GBE1: variants seen among roughly 807,000 people sequenced by gnomAD.
The protein encoded by GBE1 is 1,4-alpha-glucan-branching enzyme.
GBE1 carries 70 observed loss-of-function variants against 88.8 expected under a neutral mutation model. The ratio of observed to expected loss-of-function variants is 0.79; its 90% CI spans 0.65 to 0.96. The LOEUF is 0.96. Ranked by LOEUF, GBE1 falls within the 40% of genes least tolerant of loss-of-function variation. The pLI is 0.00. For missense variants in GBE1, 872 were observed against 871.0 expected, an observed-to-expected ratio of 1.00 and a Z score of -0.01; for synonymous variants, 284 against 300.1, an observed-to-expected ratio of 0.95 and a Z score of 0.56.
At chr3:81,697,861 C>G (rs950513567) in intron 2 of GBE1, among the ~76,000 whole-genome samples, 1 of 151,714 alleles carries the variant, frequency 6.6e-6, no homozygotes, top group African/African-American at 2.4e-5. Flanking sequence ...GTCTAACACA[C>G]GCAGCATTTT....
intron 3 of GBE1, among the ~76,000 whole-genome samples, chr3:81,667,490 G>C (rs1347960841): frequency 6.6e-6 from 1 of 152,142 alleles, no homozygotes; most frequent in African/African-American, 2.4e-5. Context: ...ATGTTGAATA[G>C]GAGTGGTAAG....
At chr3:81,621,787 A>G (rs983916302) in intron 7 of GBE1, among the ~76,000 whole-genome samples, 1 of 152,174 alleles carries the variant, frequency 6.6e-6, no homozygotes, top group African/African-American at 2.4e-5. Flanking sequence ...CTTGCAGTGG[A>G]CAATACCATA....
chr3:81,560,667 G>A (rs1269590693), intron 12 of GBE1, among the ~76,000 whole-genome samples: 1 of 151,922 alleles, frequency 6.6e-6, no homozygotes, highest in Non-Finnish European at 1.5e-5. Context: ...GGTTTTGTGT[G>A]TGTTGGTGAA....
chr3:81,561,242 T>G (rs373502388), intron 12 of GBE1, among the ~76,000 whole-genome samples: 70 of 152,162 alleles, frequency 4.6e-4, no homozygotes, highest in African/African-American at 1.5e-3. Context: ...TTGTGAAATA[T>G]AATGCAGAAG....
chr3:81,661,949 A>G lies in GBE1; in HGVS notation c.429+8889T>C, dbSNP rs1332004467. 2.6e-5 allele frequency among the ~76,000 whole-genome samples: 4 copies of G among 152,320 alleles called. No individual in the cohort carries two copies. In the East Asian group the frequency reaches 5.8e-4, roughly 22 times the overall value. On this transcript the variant is annotated intron_variant, in intron 3 of 15. Coordinates refer to ENST00000429644, the MANE Select transcript of GBE1 (RefSeq NM_000158.4). The stretch of plus-strand genomic sequence containing the variant: ...TCTCAATCTCTACTTTGCATTTTAA[A>G]TATATTTATGTTTTAACAAAAATTT...
chr3:81,638,494 G>C lies in GBE1; in HGVS notation c.992+4287C>G, dbSNP rs149104506. ...CATTTATGTAGTGCCAGAGGAATAT[G>C]CAAACAGAATTTAAAACTGGGACCA... On this transcript the variant is annotated intron_variant, in intron 7 of 15. Transcript: ENST00000429644. Among the ~76,000 whole-genome samples the C allele has an allele frequency of 3.7e-3, 562 of 152,214 alleles. 6 individuals are homozygous for C. The highest frequency in any genetic ancestry group is 4.4e-3 in the Admixed American group (67 of 15,268).
intron 12 of GBE1, among the ~76,000 whole-genome samples, chr3:81,569,938 C>T (rs571780679): frequency 2.6e-5 from 4 of 152,038 alleles, no homozygotes; most frequent in Admixed American, 6.6e-5. Context: ...CTCAGCCTCC[C>T]GAGTAGCTGG....
chr3:81,612,649 G>A, intron 7 of GBE1: 1 of 566,532 alleles, frequency 1.8e-6, no homozygotes, highest in East Asian at 4.5e-5. Context: ...ATTTCTATTC[G>A]ACTTTCAAAA....
At chr3:81,586,053 G>A (rs1245334169) in intron 10 of GBE1, 39 bp downstream of exon 10, 1 of 1,112,232 alleles carries the variant, frequency 9.0e-7, no homozygotes, top group Non-Finnish European at 1.4e-6. Context: ...AAGCAACACA[G>A]TATTCACAGA....
rs536828129 is a variant in GBE1 at position 81,700,245 on chromosome 3, CA to C, written c.313+5198del. Among the ~76,000 whole-genome samples the C allele has an allele frequency of 2.6e-5, 4 of 152,266 alleles. No homozygotes were observed. The East Asian group carries it at 5.8e-4, about 22-fold the overall frequency. ...AGACAAAAAAGATTAGATGAAGAAA[CA>C]GAATCCAAAAGAAGCTGGTATCAGA... On this transcript the variant is annotated intron_variant, in intron 2 of 15. Transcript: ENST00000429644.
At chr3:81,544,504 A>G (rs1162675938) in intron 12 of GBE1, among the ~76,000 whole-genome samples, 1 of 152,170 alleles carries the variant, frequency 6.6e-6, no homozygotes, top group East Asian at 1.9e-4. Context: ...AATTCATGGT[A>G]TGATTCATTG....
intron 2 of GBE1, among the ~76,000 whole-genome samples, chr3:81,700,278 C>A (rs1177569689): frequency 1.3e-5 from 2 of 152,102 alleles, no homozygotes; most frequent in African/African-American, 4.8e-5. Flanking sequence ...CAGAATTATA[C>A]CCCGAACCAG....
intron 2 of GBE1, among the ~76,000 whole-genome samples, chr3:81,683,905 G>A (rs1177177287): frequency 6.6e-6 from 1 of 152,020 alleles, no homozygotes; most frequent in African/African-American, 2.4e-5. Flanking sequence ...AAAATAATTT[G>A]AGCAAAGGCC....
rs747664313 is a variant in GBE1, at chr3:81,490,359, G to C, written c.*48C>G. 1.6e-5 allele frequency: 24 copies of C among 1,490,544 alleles called. No homozygotes were observed. Among genetic ancestry groups the C allele is most frequent in the African/African-American group, 5.5e-5 (4 of 72,262 alleles). The allele number at this position is 1,490,544 out of a possible 1,614,324, so 92.3% of individuals were successfully genotyped here. On this transcript the variant is annotated 3_prime_UTR_variant, in exon 16 of 16. Coordinates refer to ENST00000429644, the MANE Select transcript of GBE1 (RefSeq NM_000158.4). The stretch of plus-strand genomic sequence containing the variant: ...ATAAGCTGTGTGACAGTGATAACAA[G>C]AAAACAAAACACAAATCTGCATCTG...
chr3:81,684,132 C>G (rs905623156), intron 2 of GBE1, among the ~76,000 whole-genome samples: 4 of 152,264 alleles, frequency 2.6e-5, no homozygotes, highest in African/African-American at 9.6e-5. Flanking sequence ...AAAATACACT[C>G]CAAGAGGGAG....
At chr3:81,570,950 T>C (rs1482469976) in intron 12 of GBE1, among the ~76,000 whole-genome samples, 1 of 152,170 alleles carries the variant, frequency 6.6e-6, no homozygotes, top group Admixed American at 6.5e-5. Context: ...ATATAAAAGA[T>C]AATGATAACA....
intron 14 of GBE1, among the ~76,000 whole-genome samples, chr3:81,503,555 G>T (rs1702616953): frequency 6.6e-6 from 1 of 152,140 alleles, no homozygotes; most frequent in Non-Finnish European, 1.5e-5. Context: ...CTCTGACTGT[G>T]GGAAAGGAGA....
intron 5 of GBE1, 88 bp downstream of exon 5, chr3:81,648,767 CA>C: frequency 1.3e-6 from 1 of 749,626 alleles, no homozygotes; most frequent in Non-Finnish European, 2.0e-6. Context: ...TCTCCTAACA[CA>C]AAAAAGAGAC....
At chr3:81,611,182 T>C (rs954949862) in intron 7 of GBE1, among the ~76,000 whole-genome samples, 1 of 152,112 alleles carries the variant, frequency 6.6e-6, no homozygotes, top group African/African-American at 2.4e-5. Context: ...TTTGACACAA[T>C]TGCACTTTTC....
Sources: gnomAD v4.1 joint callset for allele counts (sites outside exome capture counted in the v4.1 genomes callset) on GRCh38, gnomAD v4.1.1 for gene constraint, MANE v1.5 for transcripts, NCBI Gene and HGNC (gene_info 2026-07-23, HGNC 2026-07-21) for gene names.